The following CEP164 variants were observed in gnomAD, a reference collection of about 807,000 sequenced individuals.
CEP164 encodes centrosomal protein of 164 kDa.
CEP164 carries 162 observed loss-of-function variants against 182.7 expected under a neutral mutation model. That is an observed-to-expected ratio of 0.89 (90% confidence interval 0.78 to 1.01). CEP164 has a LOEUF of 1.01. Among genes scored for constraint, CEP164 ranks in the 50% least tolerant of loss-of-function variants. The pLI, the probability that CEP164 is intolerant of heterozygous loss-of-function variation, is 0.00. For synonymous variants in CEP164, 661 were observed against 690.0 expected (o/e 0.96, Z 0.66); for missense variants, 1,735 against 1,790.4 (o/e 0.97, Z 0.56).
At chr11:117,341,776 C>T (rs912561227) in intron 3 of CEP164, among the ~76,000 whole-genome samples, 2 of 152,160 alleles carry the variant, frequency 1.3e-5, no homozygotes, top group Non-Finnish European at 2.9e-5. Context: ...CCCAGAGCTA[C>T]TGGTTGTCAC....
Position 117,409,689 on chromosome 11 carries a change from C to T in CEP164, c.3820C>T (p.Gln1274Ter), listed in dbSNP as rs760217099. The change falls in exon 30 of 33, where the codon CAG (glutamine) becomes TAG (stop). Residue 1274 changes from glutamine (Q) to a stop codon, truncating the protein, a stop_gained. Coordinates refer to ENST00000278935, the MANE Select transcript of CEP164 (RefSeq NM_014956.5). LOFTEE classifies it high-confidence loss of function. This position sits in a 1 kb window ranked among gnomAD's most constrained non-coding sequence, Gnocchi z 4.4. ...CCACTCCCTCCGGCAGATCAGCAGC[C>T]AGCTGAGCAGTGTCCTCAGCATCCT... ...LSHSLRQISS[Q>*]LSSVLSILDS... 1 of 1,614,176 alleles carries T rather than the reference C, an allele frequency of 6.2e-7. No individual in the cohort carries two copies. Among genetic ancestry groups the T allele is most frequent in the Admixed American group, 1.7e-5 (1 of 60,032 alleles).
rs2039668641 is a variant in CEP164 at position 117,351,802 on chromosome 11, A to G, written c.207A>G (p.Thr69=). The G allele has an allele frequency of 5.6e-6, 9 of 1,613,462 alleles. No homozygotes were observed. The highest frequency in any genetic ancestry group is 7.6e-6 in the Non-Finnish European group (9 of 1,179,886). Residue 69 remains threonine (T), a synonymous_variant, in exon 5 of 33, where the codon ACA becomes ACG. Transcript: ENST00000278935. ...TGCCCATCCCCAGCCAGGACATCAC[A>G]GGTGACATTTACTATTTCAACTTCG... is the stretch of plus-strand genomic sequence containing the variant. ...PGEWKPCQDI[T]GDIYYFNFAN...
chr11:117,336,144 A>C, intron 2 of CEP164: 1 of 1,566,090 alleles, frequency 6.4e-7, no homozygotes, highest in Non-Finnish European at 8.6e-7. Flanking sequence ...ATGGCTTCTG[A>C]AGCTTGATGG....
At position 117,411,731 on chromosome 11, in the gene CEP164, G is replaced by A; in HGVS notation, c.4164-64G>A. On this transcript the variant is annotated intron_variant, in intron 31 of 32. Coordinates refer to ENST00000278935, the MANE Select transcript of CEP164 (RefSeq NM_014956.5). The surrounding 1 kb of genome is among the most constrained non-coding windows in gnomAD (Gnocchi z 4.4). ...GGAGGTGACAGATGTGATGGCCTCT[G>A]TGCATCCTCTGTCACTTCCGCGCCT... 6.2e-7 allele frequency: 1 copy of A among 1,602,748 alleles called. No individual in the cohort carries two copies. The highest frequency in any genetic ancestry group is 8.5e-7 in the Non-Finnish European group (1 of 1,173,840).
chr11:117,397,562 A>G (rs541365946), intron 27 of CEP164, among the ~76,000 whole-genome samples: 1 of 152,352 alleles, frequency 6.6e-6, no homozygotes, highest in South Asian at 2.1e-4. Flanking sequence ...GACATACCTG[A>G]AACTGGGAAG....
Position 117,371,272 on chromosome 11 carries a change from G to C in CEP164, c.958G>C (p.Glu320Gln). Residue 320 changes from glutamate to glutamine, a missense_variant, in exon 9 of 33, where the codon GAA becomes CAA. Physicochemically the swap from Glu to Gln is conservative, Grantham distance 29 (BLOSUM62 2). Coordinates refer to ENST00000278935, the MANE Select transcript of CEP164 (RefSeq NM_014956.5). ...LPEKEENEKS[E>Q]PKICRNLVTP... ...AGAAAAAGAGGAAAATGAGAAGAGTGAACCTAAGATTTGCAGGAATCTGGT... is the reference window on the plus strand; with the variant it reads ...AGAAAAAGAGGAAAATGAGAAGAGTCAACCTAAGATTTGCAGGAATCTGGT... 6.2e-7 allele frequency: 1 copy of C among 1,614,222 alleles called. No individual in the cohort carries two copies. The highest frequency in any genetic ancestry group is 8.5e-7 in the Non-Finnish European group (1 of 1,180,046).
At chr11:117,368,621 G>T (rs956762656) in intron 8 of CEP164, among the ~76,000 whole-genome samples, 2 of 152,180 alleles carry the variant, frequency 1.3e-5, no homozygotes, top group Admixed American at 6.5e-5. Flanking sequence ...TGCTTGCCGA[G>T]TGAGGGGGTG....
At chr11:117,371,810 T>TTC (rs1555118136) in intron 9 of CEP164, among the ~76,000 whole-genome samples, 2 of 150,784 alleles carry the variant, frequency 1.3e-5, no homozygotes, top group Admixed American at 6.6e-5. Flanking sequence ...TTTTTTTTTT[T>TTC]CTGTTGTTTT....
chr11:117,357,711 C>T (rs1039425351), intron 5 of CEP164, among the ~76,000 whole-genome samples: 1 of 151,614 alleles, frequency 6.6e-6, no homozygotes, highest in East Asian at 1.9e-4. Flanking sequence ...TGTGAACTGC[C>T]GTGCCTGGGC....
intron 27 of CEP164, among the ~76,000 whole-genome samples, chr11:117,407,526 A>T (rs2046847357): frequency 1.3e-5 from 2 of 151,176 alleles, no homozygotes; most frequent in Admixed American, 1.3e-4. Context: ...GGTGGCACAC[A>T]TCTGTAGTAC....
chr11:117,351,064 C>T (rs2039557067), intron 4 of CEP164, among the ~76,000 whole-genome samples: 1 of 152,146 alleles, frequency 6.6e-6, no homozygotes, highest in South Asian at 2.1e-4. Flanking sequence ...TGGAGTTTCG[C>T]TCTTATTGCC....
chr11:117,345,675 G>C (rs1170441107), intron 4 of CEP164, among the ~76,000 whole-genome samples: 1 of 151,890 alleles, frequency 6.6e-6, no homozygotes, highest in Non-Finnish European at 1.5e-5. Context: ...CATGTGGCAG[G>C]CTTTTTGTTT....
In CEP164 at chr11:117,386,862, C is replaced by T. The variant is rs2044021750; in HGVS notation, c.1725-341C>T. Reference sequence around the variant, plus strand: ...GCTGTGAGCCATTCTAGGAAGGAATCCATTAGGGACAGAGCTTCACTCTCT... The same window carrying T: ...GCTGTGAGCCATTCTAGGAAGGAATTCATTAGGGACAGAGCTTCACTCTCT... On this transcript the variant is annotated intron_variant, in intron 14 of 32. Transcript: ENST00000278935. The T allele has an allele frequency of 1.1e-5, 3 of 267,496 alleles. No homozygotes were observed. In the South Asian group the frequency reaches 1.7e-4, roughly 15 times the overall value. 16.6% of individuals were successfully genotyped at this position (267,496 alleles called of 1,614,324 possible). A position where few individuals can be genotyped will look rare whatever the true frequency, so the allele number is the denominator to read the frequency against.
At chr11:117,406,670 C>G (rs1281609964) in intron 27 of CEP164, among the ~76,000 whole-genome samples, 1 of 152,216 alleles carries the variant, frequency 6.6e-6, no homozygotes, top group Non-Finnish European at 1.5e-5. Context: ...CTTACCCACC[C>G]TGCTTCTCTG....
At chr11:117,367,039 G>T (rs528901183) in intron 8 of CEP164, among the ~76,000 whole-genome samples, 1 of 152,356 alleles carries the variant, frequency 6.6e-6, no homozygotes, top group East Asian at 1.9e-4. Flanking sequence ...GGGATGAGCT[G>T]AGGGCAACGC....
intron 2 of CEP164, chr11:117,336,774 T>G: frequency 1.6e-6 from 1 of 608,088 alleles, no homozygotes; most frequent in South Asian, 1.9e-5. Flanking sequence ...TGGCAGCTTC[T>G]GAGGAAGTGG....
At position 117,408,147 on chromosome 11, in the gene CEP164, A is replaced by G. The variant is rs577496652; in HGVS notation, c.3609+115A>G. On this transcript the variant is annotated intron_variant, in intron 28 of 32. Transcript: ENST00000278935. ...GGGAGTTGGGCCTCTAGGGCCCAGGATTGGGCAGTAGGCTTGTCTACTGGC... is the reference window on the plus strand; with the variant it reads ...GGGAGTTGGGCCTCTAGGGCCCAGGGTTGGGCAGTAGGCTTGTCTACTGGC... The G allele has an allele frequency of 1.2e-4, 82 of 678,314 alleles. No homozygotes were observed. In the African/African-American group the frequency reaches 1.4e-3, roughly 11 times the overall value. The allele number at this position is 678,314 out of a possible 1,614,324, so 42.0% of individuals were successfully genotyped here. A position where few individuals can be genotyped will look rare whatever the true frequency, so the allele number is the denominator to read the frequency against.
chr11:117,409,174 G>A lies in CEP164; in HGVS notation c.3748+146G>A. 1 of 1,095,348 alleles carries A rather than the reference G, an allele frequency of 9.1e-7. No homozygotes were observed. The highest frequency in any genetic ancestry group is 1.3e-6 in the Non-Finnish European group (1 of 772,192). The allele number at this position is 1,095,348 out of a possible 1,614,324, so 67.9% of individuals were successfully genotyped here. On this transcript the variant is annotated intron_variant, in intron 29 of 32. Transcript: ENST00000278935. This position sits in a 1 kb window ranked among gnomAD's most constrained non-coding sequence, Gnocchi z 4.4. The stretch of plus-strand genomic sequence containing the variant: ...TGGACTAGGTGCTCGGTCAGTGCTG[G>A]GAAGGAATCACACCATCTAGGTTTG...
chr11:117,351,736 T>G, intron 4 of CEP164, 54 bp from the exon 5 acceptor site: 1 of 1,514,618 alleles, frequency 6.6e-7, no homozygotes, highest in South Asian at 1.2e-5. Context: ...CTCTTTTTTT[T>G]TTCTTCTTTT....
Sources: gnomAD v4.1 joint callset for allele counts (sites outside exome capture counted in the v4.1 genomes callset) on GRCh38, gnomAD v4.1.1 for gene constraint, Gnocchi (gnomAD v3.1) non-coding constraint, MANE v1.5 for transcripts, NCBI Gene and HGNC (gene_info 2026-07-23, HGNC 2026-07-21) for gene names.